TMTC2: variants seen among roughly 807,000 people sequenced by gnomAD.
TMTC2 encodes transmembrane O-mannosyltransferase targeting cadherins 2.
TMTC2 carries 43 observed loss-of-function variants against 82.4 expected under a neutral mutation model. That is an observed-to-expected ratio of 0.52 (90% CI 0.41 to 0.67). TMTC2 has a LOEUF of 0.67. Among genes scored for constraint, TMTC2 ranks in the 30% least tolerant of loss-of-function variants. TMTC2 has a pLI of 0.00. For synonymous variants in TMTC2, 408 were observed against 381.9 expected, an observed-to-expected ratio of 1.07 and a Z score of -0.80; for missense variants, 919 against 1,012.4, an observed-to-expected ratio of 0.91 and a Z score of 1.25.
chr12:83,032,841 G>A (rs143980177), intron 9 of TMTC2, among the ~76,000 whole-genome samples: 17 of 152,238 alleles, frequency 1.1e-4, no homozygotes, highest in African/African-American at 3.6e-4. Context: ...GGTTAGAGGC[G>A]TGAGCCACTG....
At position 82,918,964 on chromosome 12, in the gene TMTC2, G is replaced by A. The variant is rs923097490; in HGVS notation, c.1484-11467G>A. 2.0e-5 allele frequency among the ~76,000 whole-genome samples: 3 copies of A among 152,140 alleles called. No individual in the cohort carries two copies. In the East Asian group the frequency reaches 5.8e-4, roughly 29 times the overall value. ...GTAGAGATGGGGTTTCACCATGTTG[G>A]CCAGGCTGGTCTTGAGCTCCTGACC... On this transcript the variant is annotated intron_variant, in intron 3 of 11. Transcript: ENST00000321196.
intron 2 of TMTC2, among the ~76,000 whole-genome samples, chr12:82,890,426 A>C (rs1378004949): frequency 1.3e-5 from 2 of 152,144 alleles, no homozygotes; most frequent in Non-Finnish European, 2.9e-5. Context: ...TGTACTAAGA[A>C]TTCAATTTGT....
intron 7 of TMTC2, among the ~76,000 whole-genome samples, 173 bp downstream of exon 7, chr12:82,967,170 C>A (rs1350334904): frequency 6.6e-6 from 1 of 152,044 alleles, no homozygotes; most frequent in African/African-American, 2.4e-5. Flanking sequence ...TCTGACATGA[C>A]AAATAAATGC....
At chr12:83,124,852 T>C (rs986932449) in intron 11 of TMTC2, among the ~76,000 whole-genome samples, 3 of 151,978 alleles carry the variant, frequency 2.0e-5, no homozygotes, top group Admixed American at 6.6e-5. Context: ...GGGAGATAGA[T>C]TGGAATAAAA....
In TMTC2 at chr12:83,014,025, C is replaced by G. The variant is rs572737208; in HGVS notation, c.2071-16773C>G. 2.0e-5 allele frequency among the ~76,000 whole-genome samples: 3 copies of G among 152,318 alleles called. No individual in the cohort carries two copies. In the South Asian group the frequency reaches 6.2e-4, roughly 32 times the overall value. ...CTCTGTTTTGTCTTTTCTTCAAATT[C>G]ACTGAACTCTAAGGCAAATTTTGCC... On this transcript the variant is annotated intron_variant, in intron 8 of 11. Coordinates refer to ENST00000321196, the MANE Select transcript of TMTC2 (RefSeq NM_152588.3).
At chr12:82,875,089 A>C (rs753460541) in intron 2 of TMTC2, among the ~76,000 whole-genome samples, 5 of 152,192 alleles carry the variant, frequency 3.3e-5, no homozygotes, top group Non-Finnish European at 7.3e-5. Flanking sequence ...TTTATACTGC[A>C]GACAAAGAGT....
intron 1 of TMTC2, among the ~76,000 whole-genome samples, 185 bp downstream of exon 1, chr12:82,687,854 C>T (rs939519141): frequency 6.6e-6 from 1 of 152,084 alleles, no homozygotes; most frequent in African/African-American, 2.4e-5. Flanking sequence ...CTGGGCGGGC[C>T]GAGGGAGTTT....
intron 2 of TMTC2, among the ~76,000 whole-genome samples, chr12:82,859,317 T>C (rs1472266902): frequency 6.6e-6 from 1 of 152,088 alleles, no homozygotes; most frequent in East Asian, 1.9e-4. Context: ...CTGCCCGCCT[T>C]GGCCTCCCAA....
intron 1 of TMTC2, among the ~76,000 whole-genome samples, chr12:82,853,981 C>T (rs989122028): frequency 6.6e-6 from 1 of 150,602 alleles, no homozygotes; most frequent in East Asian, 2.0e-4. Flanking sequence ...TATAACCCAT[C>T]AAGTCTTAAG....
intron 3 of TMTC2, among the ~76,000 whole-genome samples, chr12:82,923,585 A>C (rs1220711678): frequency 1.3e-5 from 2 of 151,982 alleles, no homozygotes; most frequent in Non-Finnish European, 2.9e-5. Flanking sequence ...ATTCTTCTAC[A>C]TATTCTTCTG....
chr12:83,113,355 T>C (rs1272683972), intron 11 of TMTC2, among the ~76,000 whole-genome samples: 2 of 152,188 alleles, frequency 1.3e-5, no homozygotes, highest in South Asian at 2.1e-4. Context: ...ACCTTGTAGA[T>C]AAAAATGTGC....
At chr12:82,898,394 A>C (rs1303332988) in intron 3 of TMTC2, among the ~76,000 whole-genome samples, 1 of 152,216 alleles carries the variant, frequency 6.6e-6, no homozygotes, top group African/African-American at 2.4e-5. Flanking sequence ...GAATTGAAAA[A>C]ATTCTTGGCA....
chr12:82,907,955 T>C (rs1379250423), intron 3 of TMTC2, among the ~76,000 whole-genome samples: 2 of 151,874 alleles, frequency 1.3e-5, no homozygotes, highest in Non-Finnish European at 2.9e-5. Context: ...GTACTAAAAA[T>C]ACAAAAATTA....
chr12:83,050,928 G>A lies in TMTC2; in HGVS notation c.2177G>A (p.Arg726His), dbSNP rs1341846388. The change falls in exon 10 of 12, where the codon CGT becomes CAT. Residue 726 changes from arginine (R) to histidine (H), a missense_variant. By Grantham distance (29) the Arg-to-His change is conservative. Coordinates refer to ENST00000321196, the MANE Select transcript of TMTC2 (RefSeq NM_152588.3). ...HYGQFLLEEA[R>H]LIEAAEMAKK... ...GGTCAGTTTCTTCTGGAAGAAGCTC[G>A]TCTCATAGAAGCAGCTGAGATGGCA... is the stretch of plus-strand genomic sequence containing the variant. The A allele has an allele frequency of 6.8e-6, 11 of 1,612,378 alleles. No individual in the cohort carries two copies. Among genetic ancestry groups the A allele is most frequent in the Admixed American group, 5.0e-5 (3 of 59,818 alleles).
At chr12:83,018,622 G>A (rs557235556) in intron 8 of TMTC2, among the ~76,000 whole-genome samples, 9 of 150,700 alleles carry the variant, frequency 6.0e-5, no homozygotes, top group Admixed American at 2.0e-4. Context: ...TGAACTTTTG[G>A]TGTCATCTTA....
At chr12:83,080,659 G>A (rs1883435176) in intron 11 of TMTC2, among the ~76,000 whole-genome samples, 1 of 152,148 alleles carries the variant, frequency 6.6e-6, no homozygotes, top group Non-Finnish European at 1.5e-5. Flanking sequence ...TACTTCATGT[G>A]TAACATTACC....
At chr12:82,926,739 CA>C (rs1178356419) in intron 3 of TMTC2, among the ~76,000 whole-genome samples, 41 of 152,224 alleles carry the variant, frequency 2.7e-4, no homozygotes, top group African/African-American at 9.6e-4. Flanking sequence ...CAGTAGAAGC[CA>C]TTGGTCAATT....
chr12:83,050,207 G>A (rs557409120), intron 9 of TMTC2, among the ~76,000 whole-genome samples: 6 of 152,024 alleles, frequency 3.9e-5, no homozygotes, highest in Admixed American at 6.6e-5. Flanking sequence ...CATTACTACC[G>A]TTACTGTTCA....
intron 1 of TMTC2, among the ~76,000 whole-genome samples, chr12:82,796,172 GGGA>G (rs1286498495): frequency 6.6e-6 from 1 of 152,088 alleles, no homozygotes; most frequent in Non-Finnish European, 1.5e-5. Context: ...GTGGAGTTTT[GGGA>G]GGAGACTATT....
Sources: gnomAD v4.1 joint callset for allele counts (sites outside exome capture counted in the v4.1 genomes callset) on GRCh38, gnomAD v4.1.1 for gene constraint, MANE v1.5 for transcripts, NCBI Gene and HGNC (gene_info 2026-07-23, HGNC 2026-07-21) for gene names.